The following IL1RAPL2 variants were observed in gnomAD, a reference collection of about 807,000 sequenced individuals.
IL1RAPL2 encodes the protein interleukin 1 receptor accessory protein like 2, also known as X-linked interleukin-1 receptor accessory protein-like 2.
Under a neutral mutation model 44.1 loss-of-function variants are expected in IL1RAPL2, and 3 were observed. The observed-to-expected ratio is 0.07, with a 90% CI of 0.03 to 0.18. The LOEUF is 0.18. IL1RAPL2 is among the 10% of genes least tolerant of loss of function. IL1RAPL2 has a pLI of 1.00. For missense variants in IL1RAPL2, 391 were observed against 496.4 expected (o/e 0.79, Z 2.02); for synonymous variants, 181 against 178.8 (o/e 1.01, Z -0.10).
intron 5 of IL1RAPL2, among the ~76,000 whole-genome samples, chrX:105,346,668 A>C (rs1414876976): frequency 8.9e-6 from 1 of 111,751 alleles, no homozygotes; most frequent in Non-Finnish European, 1.9e-5. Flanking sequence ...TAACATCAGT[A>C]GACAAGCTAG....
intron 2 of IL1RAPL2, among the ~76,000 whole-genome samples, chrX:104,891,057 TC>T (rs1569335320): frequency 1.8e-5 from 2 of 112,075 alleles, no homozygotes; most frequent in Non-Finnish European, 3.8e-5. Flanking sequence ...AAATAGGGAA[TC>T]CTTTCCCCAT....
intron 2 of IL1RAPL2, among the ~76,000 whole-genome samples, chrX:104,918,097 A>C (rs1924517936): frequency 8.9e-6 from 1 of 112,562 alleles, no homozygotes; most frequent in African/African-American, 3.2e-5. Context: ...CATTAACTAT[A>C]GAATTTTCCA....
At chrX:105,137,167 A>G (rs759569784) in intron 2 of IL1RAPL2, among the ~76,000 whole-genome samples, 1 of 112,181 alleles carries the variant, frequency 8.9e-6, no homozygotes, top group African/African-American at 3.2e-5. Flanking sequence ...CTGTCTTTCC[A>G]CATATAAAGT....
At chrX:105,350,131 G>T (rs2035141428) in intron 5 of IL1RAPL2, among the ~76,000 whole-genome samples, 1 of 111,938 alleles carries the variant, frequency 8.9e-6, no homozygotes, top group Non-Finnish European at 1.9e-5. Flanking sequence ...ATATTGGACT[G>T]CTTTTTCTCT....
At chrX:105,698,463 T>A (rs2038094748) in intron 6 of IL1RAPL2, among the ~76,000 whole-genome samples, 1 of 111,695 alleles carries the variant, frequency 9.0e-6, no homozygotes, top group African/African-American at 3.3e-5. Context: ...AAAATTTGAG[T>A]TGGTGAAATA....
intron 5 of IL1RAPL2, among the ~76,000 whole-genome samples, chrX:105,444,013 TG>T (rs781675386): frequency 1.8e-5 from 2 of 112,479 alleles, no homozygotes; most frequent in Non-Finnish European, 3.8e-5. Flanking sequence ...TGGTATTGCC[TG>T]TCTTTTGGAT....
intron 4 of IL1RAPL2, 42 bp downstream of exon 4, chrX:105,234,046 A>G (rs880000490): frequency 4.7e-6 from 5 of 1,069,178 alleles, no homozygotes; most frequent in South Asian, 4.4e-5. Context: ...ACCTCAGTCA[A>G]TAGCAGTCTT....
intron 6 of IL1RAPL2, among the ~76,000 whole-genome samples, chrX:105,553,218 GGCCCAA>G (rs2036871715): frequency 1.8e-5 from 2 of 111,640 alleles, no homozygotes; most frequent in South Asian, 7.5e-4. Flanking sequence ...AGAAAAACAT[GGCCCAA>G]AGGATTATGA....
intron 2 of IL1RAPL2, among the ~76,000 whole-genome samples, chrX:105,133,745 A>G (rs1489157708): frequency 9.0e-6 from 1 of 110,845 alleles, no homozygotes; most frequent in African/African-American, 3.3e-5. Context: ...GGGGACTTCT[A>G]TGTGTCCTTG....
intron 4 of IL1RAPL2, among the ~76,000 whole-genome samples, chrX:105,265,706 G>A (rs2034396552): frequency 9.3e-6 from 1 of 107,482 alleles, no homozygotes; most frequent in Admixed American, 9.9e-5. Flanking sequence ...TGTGTGTTTT[G>A]TTGTCAAAAT....
intron 1 of IL1RAPL2, among the ~76,000 whole-genome samples, chrX:104,640,142 C>T (rs147291645): frequency 9.0e-6 from 1 of 111,406 alleles, no homozygotes; most frequent in Non-Finnish European, 1.9e-5. Context: ...TTTGTTGTAT[C>T]CCATATGTCA....
intron 2 of IL1RAPL2, among the ~76,000 whole-genome samples, chrX:104,726,077 G>A (rs969303608): frequency 3.6e-5 from 4 of 111,248 alleles, no homozygotes; most frequent in Non-Finnish European, 7.6e-5. Context: ...TGTCAGGAAG[G>A]GATCTGGTTT....
At chrX:105,723,735 T>C (rs1362955070) in intron 7 of IL1RAPL2, among the ~76,000 whole-genome samples, 1 of 111,614 alleles carries the variant, frequency 9.0e-6, no homozygotes, top group East Asian at 2.8e-4. Flanking sequence ...TGGAACCTTC[T>C]GTGTGTCCTC....
intron 6 of IL1RAPL2, among the ~76,000 whole-genome samples, chrX:105,619,255 A>G (rs2037402744): frequency 9.0e-6 from 1 of 110,500 alleles, no homozygotes. Flanking sequence ...CCAAATAAAA[A>G]AAAAAAAAAA....
chrX:105,184,868 GAGGTACAGT>G (rs1184381420), intron 2 of IL1RAPL2, among the ~76,000 whole-genome samples: 1 of 111,462 alleles, frequency 9.0e-6, no homozygotes, highest in African/African-American at 3.3e-5. Context: ...AAAGGCTTGA[GAGGTACAGT>G]AGAATAATTA....
chrX:105,494,737 C>T (rs1285562043), intron 6 of IL1RAPL2, among the ~76,000 whole-genome samples: 1 of 111,153 alleles, frequency 9.0e-6, no homozygotes, highest in Non-Finnish European at 1.9e-5. Flanking sequence ...TCACTGCAGC[C>T]GCAAACTCCT....
chrX:104,793,039 G>T (rs1932833581), intron 2 of IL1RAPL2, among the ~76,000 whole-genome samples: 1 of 112,172 alleles, frequency 8.9e-6, no homozygotes, highest in African/African-American at 3.2e-5. Flanking sequence ...TATTCAGAAT[G>T]ATTGGAGGTT....
At chrX:104,715,453 G>A (rs1184309600) in intron 2 of IL1RAPL2, among the ~76,000 whole-genome samples, 5 of 89,937 alleles carry the variant, frequency 5.6e-5, no homozygotes, top group African/African-American at 2.0e-4. Flanking sequence ...TGGATTAGTT[G>A]ATCTTTTGAA....
At chrX:104,728,753 C>A (rs974563249) in intron 2 of IL1RAPL2, among the ~76,000 whole-genome samples, 5 of 111,491 alleles carry the variant, frequency 4.5e-5, no homozygotes, top group Admixed American at 2.9e-4. Flanking sequence ...CTAAAGTCTG[C>A]AGAGAGAGCA....
Sources: gnomAD v4.1 joint callset for allele counts (sites outside exome capture counted in the v4.1 genomes callset) on GRCh38, gnomAD v4.1.1 for gene constraint, MANE v1.5 for transcripts, NCBI Gene and HGNC (gene_info 2026-07-23, HGNC 2026-07-21) for gene names.